Variants in KCNQ1 observed in about 807,000 individuals in gnomAD.
The protein encoded by KCNQ1 is potassium voltage-gated channel subfamily KQT member 1.
Under a neutral mutation model 72.4 loss-of-function variants are expected in KCNQ1, and 49 were observed. The observed-to-expected ratio is 0.68, with a 90% confidence interval of 0.54 to 0.86. The LOEUF is 0.86. KCNQ1 is among the 40% of genes least tolerant of loss of function. The pLI is 0.00. For synonymous variants in KCNQ1, 450 were observed against 412.6 expected (o/e 1.09, Z -1.10); for missense variants, 790 against 945.1 (o/e 0.84, Z 2.15).
chr11:2,697,257 T>G (rs1461327386), intron 11 of KCNQ1: 3 of 398,444 alleles, frequency 7.5e-6, no homozygotes, highest in Admixed American at 8.8e-5. Flanking sequence ...CTTTGGGGGT[T>G]TCAATAACTT....
At position 2,782,008 on chromosome 11, in the gene KCNQ1, A is replaced by C. The variant is rs1846832012; in HGVS notation, c.1794+3971A>C. Among the ~76,000 whole-genome samples the C allele has an allele frequency of 6.6e-6, 1 of 152,090 alleles. No homozygotes were observed. The highest frequency in any genetic ancestry group is 6.5e-5 in the Admixed American group (1 of 15,270). Reference sequence around the variant, plus strand: ...AGCTTCGTGCATGACCCCAACCTCCAGGATGCAGGCAGGCCCAGCCTCCCA... The same window carrying C: ...AGCTTCGTGCATGACCCCAACCTCCCGGATGCAGGCAGGCCCAGCCTCCCA... On this transcript the variant is annotated intron_variant, in intron 15 of 15. Transcript: ENST00000155840. The surrounding 1 kb of genome is among the most constrained non-coding windows in gnomAD (Gnocchi z 6.1).
At chr11:2,445,962 G>T (rs1159861991) in intron 1 of KCNQ1, among the ~76,000 whole-genome samples, 1 of 152,190 alleles carries the variant, frequency 6.6e-6, no homozygotes. Flanking sequence ...GGCTGTCCAG[G>T]ATAGGAAGGT....
rs182222379 is a variant in KCNQ1, at chr11:2,482,620, C to A, written c.386+37136C>A. On this transcript the variant is annotated intron_variant, in intron 1 of 15. Coordinates refer to ENST00000155840, the MANE Select transcript of KCNQ1 (RefSeq NM_000218.3). This position sits in a 1 kb window ranked among gnomAD's most constrained non-coding sequence, Gnocchi z 5.7. The stretch of plus-strand genomic sequence containing the variant: ...TTTCCTAATTTAGCTTCCTACTGTG[C>A]TGCTGGACATCACTGACTCCCCCCG... Among the ~76,000 whole-genome samples, 35 of 152,224 alleles carry A rather than the reference C, an allele frequency of 2.3e-4. No individual in the cohort carries two copies. Among genetic ancestry groups the A allele is most frequent in the African/African-American group, 7.9e-4 (33 of 41,530 alleles).
intron 2 of KCNQ1, among the ~76,000 whole-genome samples, chr11:2,554,046 G>C (rs1433959656): frequency 2.0e-5 from 3 of 152,166 alleles, no homozygotes; most frequent in Admixed American, 2.0e-4. Context: ...CACCTTTTTG[G>C]ATGTGACTGA....
At chr11:2,730,487 G>A (rs931384278) in intron 11 of KCNQ1, among the ~76,000 whole-genome samples, 6 of 152,156 alleles carry the variant, frequency 3.9e-5, no homozygotes, top group East Asian at 1.9e-4. Context: ...TCTGTCCTGC[G>A]CTCTTCACAA....
chr11:2,847,928 C>A lies in KCNQ1; in HGVS notation c.1956C>A (p.Leu652=). 6.3e-7 allele frequency: 1 copy of A among 1,575,570 alleles called. No homozygotes were observed. Among genetic ancestry groups the A allele is most frequent in the East Asian group, 2.3e-5 (1 of 42,682 alleles). The change falls in exon 16 of 16, where the codon CTC becomes CTA. Residue 652 remains leucine (L), a synonymous_variant. Coordinates refer to ENST00000155840, the MANE Select transcript of KCNQ1 (RefSeq NM_000218.3). ...CGSGGSVDPE[L]FLPSNTLPTY... is the part of the protein sequence containing the mutation. The stretch of plus-strand genomic sequence containing the variant: ...GTGGCGGCTCCGTCGACCCTGAGCT[C>A]TTCCTGCCCAGCAACACCCTGCCCA...
rs1846598143 is a variant in KCNQ1 at position 2,478,045 on chromosome 11, G to A, written c.386+32561G>A. Among the ~76,000 whole-genome samples the A allele has an allele frequency of 6.6e-6, 1 of 152,178 alleles. No homozygotes were observed. Among genetic ancestry groups the A allele is most frequent in the African/African-American group, 2.4e-5 (1 of 41,432 alleles). ...AAGCTGGCGACACCACCCGAGCCAA[G>A]TGATCCAAGTTAACATCACCAGGAA... On this transcript the variant is annotated intron_variant, in intron 1 of 15. Coordinates refer to ENST00000155840, the MANE Select transcript of KCNQ1 (RefSeq NM_000218.3). This position sits in a 1 kb window ranked among gnomAD's most constrained non-coding sequence, Gnocchi z 4.0.
intron 2 of KCNQ1, among the ~76,000 whole-genome samples, chr11:2,535,646 T>C (rs1847717562): frequency 1.3e-5 from 2 of 152,170 alleles, no homozygotes; most frequent in South Asian, 4.1e-4. Flanking sequence ...GGCGTCTCTC[T>C]CATGCGCTGG....
rs554518844 is a variant in KCNQ1 at position 2,583,485 on chromosome 11, C to A, written c.972C>A (p.Val324=). The A allele has an allele frequency of 6.2e-7, 1 of 1,613,890 alleles. No individual in the cohort carries two copies. The highest frequency in any genetic ancestry group is 8.5e-7 in the Non-Finnish European group (1 of 1,179,952). The change falls in exon 7 of 16, where the codon GTC becomes GTA. Residue 324 remains valine, a synonymous_variant. Transcript: ENST00000155840. ...GYGDKVPQTW[V]GKTIASCFSV... Reference sequence around the variant, plus strand: ...GGGACAAGGTGCCCCAGACGTGGGTCGGGAAGACCATCGCCTCCTGCTTCT... The same window carrying A: ...GGGACAAGGTGCCCCAGACGTGGGTAGGGAAGACCATCGCCTCCTGCTTCT...
chr11:2,648,529 ACAGTGGTCATT>A, intron 10 of KCNQ1: 1 of 398,506 alleles, frequency 2.5e-6, no homozygotes, highest in Non-Finnish European at 4.4e-6. Context: ...CTTCATAGAC[ACAGTGGTCATT>A]CAGGAACATG....
At chr11:2,568,213 C>A (rs1848273979) in intron 2 of KCNQ1, among the ~76,000 whole-genome samples, 1 of 152,250 alleles carries the variant, frequency 6.6e-6, no homozygotes, top group Admixed American at 6.5e-5. Context: ...GCAGAGGTTG[C>A]AGTGAGCCGA....
At chr11:2,838,519 C>T (rs934469647) in intron 15 of KCNQ1, among the ~76,000 whole-genome samples, 5 of 152,024 alleles carry the variant, frequency 3.3e-5, no homozygotes, top group Admixed American at 2.0e-4. Flanking sequence ...GGAAGGGAGG[C>T]GAGAGGAAGT....
chr11:2,659,012 G>C lies in KCNQ1; in HGVS notation c.1394-2949G>C. ...GTGTTTTTGAAAGCAACATATGCCA[G>C]CTCCTCCTCCTCCTTTCCTTTCACT... is the stretch of plus-strand genomic sequence containing the variant. On this transcript the variant is annotated intron_variant, in intron 10 of 15. Coordinates refer to ENST00000155840, the MANE Select transcript of KCNQ1 (RefSeq NM_000218.3). The surrounding 1 kb of genome is among the most constrained non-coding windows in gnomAD (Gnocchi z 4.3). 2.5e-6 allele frequency: 1 copy of C among 398,512 alleles called. No homozygotes were observed. The highest frequency in any genetic ancestry group is 6.3e-4 in the Middle Eastern group (1 of 1,588). 24.7% of individuals were successfully genotyped at this position (398,512 alleles called of 1,614,324 possible).
chr11:2,829,965 T>C (rs997481178), intron 15 of KCNQ1, among the ~76,000 whole-genome samples: 12 of 75,906 alleles, frequency 1.6e-4, no homozygotes, highest in African/African-American at 6.3e-4. Flanking sequence ...GGGAGGAGGA[T>C]GAGAAGGAAG....
intron 15 of KCNQ1, among the ~76,000 whole-genome samples, chr11:2,845,664 C>T (rs1024008017): frequency 1.3e-5 from 2 of 152,194 alleles, no homozygotes; most frequent in Non-Finnish European, 2.9e-5. Context: ...GTCTCAGACT[C>T]ACCCCATACC....
In KCNQ1 at chr11:2,446,017, CCCCACGGGCCCCA is replaced by C. The variant is rs370143880; in HGVS notation, c.386+535_386+547del. Among the ~76,000 whole-genome samples, 1,289 of 152,256 alleles carry C rather than the reference CCCCACGGGCCCCA, an allele frequency of 8.5e-3. 16 individuals carry two copies. Among genetic ancestry groups the C allele is most frequent in the African/African-American group, 0.03 (1,248 of 41,546 alleles). On this transcript the variant is annotated intron_variant, in intron 1 of 15. Coordinates refer to ENST00000155840, the MANE Select transcript of KCNQ1 (RefSeq NM_000218.3). This position sits in a 1 kb window ranked among gnomAD's most constrained non-coding sequence, Gnocchi z 8.8. ...GAGGGCTCAGCATGCCACGGGCCGTCCCCACGGGCCCCACATTAACTAATTGAACCAAGCTCAT... is the reference window on the plus strand; with the variant it reads ...GAGGGCTCAGCATGCCACGGGCCGTCCATTAACTAATTGAACCAAGCTCAT...
At position 2,676,163 on chromosome 11, in the gene KCNQ1, C is replaced by G. The variant is rs751486245; in HGVS notation, c.1514+14082C>G. 18 of 398,462 alleles carry G rather than the reference C, an allele frequency of 4.5e-5. No individual in the cohort carries two copies. Among genetic ancestry groups the G allele is most frequent in the Non-Finnish European group, 8.0e-5 (18 of 226,074 alleles). The allele number at this position is 398,462 out of a possible 1,614,324, so 24.7% of individuals were successfully genotyped here. Reference sequence around the variant, plus strand: ...AGCATACTGTATGTATTTTTCTACACTTTGCCTTTGACTTCTTCCATAGGT... The same window carrying G: ...AGCATACTGTATGTATTTTTCTACAGTTTGCCTTTGACTTCTTCCATAGGT... On this transcript the variant is annotated intron_variant, in intron 11 of 15. Transcript: ENST00000155840. The surrounding 1 kb of genome is among the most constrained non-coding windows in gnomAD (Gnocchi z 4.2).
intron 15 of KCNQ1, chr11:2,840,075 A>AGAAACTTCACTAAT (rs1848173133): frequency 6.6e-6 from 1 of 152,240 alleles, no homozygotes; most frequent in Non-Finnish European, 1.5e-5. Context: ...TTGACTCCCC[A>AGAAACTTCACTAAT]GAAACTTCAC....
At chr11:2,460,861 G>A (rs1846267641) in intron 1 of KCNQ1, among the ~76,000 whole-genome samples, 1 of 152,248 alleles carries the variant, frequency 6.6e-6, no homozygotes, top group African/African-American at 2.4e-5. Flanking sequence ...CCAGGCTGGG[G>A]CGTGACTGCT....
Sources: allele counts gnomAD v4.1 joint callset (sites outside exome capture counted in the v4.1 genomes callset), GRCh38; gene constraint gnomAD v4.1.1; non-coding constraint Gnocchi (gnomAD v3.1); transcripts MANE v1.5; gene names NCBI Gene and HGNC (gene_info 2026-07-23, HGNC 2026-07-21).